FAM135A: variants seen among roughly 807,000 people sequenced by gnomAD.
FAM135A encodes family with sequence similarity 135 member A.
A neutral mutation model predicts 146.8 loss-of-function variants in FAM135A; 79 were observed. The ratio of observed to expected loss-of-function variants is 0.54; its 90% confidence interval spans 0.45 to 0.65. The LOEUF (loss-of-function observed/expected upper bound fraction) is 0.65, where lower values mean the gene tolerates loss of function less well. FAM135A is among the 30% of genes least tolerant of loss of function. The pLI, the probability that FAM135A is intolerant of heterozygous loss-of-function variation, is 0.00. For missense variants in FAM135A, 1,623 were observed against 1,758.2 expected, an observed-to-expected ratio of 0.92 and a Z score of 1.38; for synonymous variants, 562 against 603.6, an observed-to-expected ratio of 0.93 and a Z score of 1.01.
chr6:70,453,963 T>C (rs1338831658), intron 5 of FAM135A, among the ~76,000 whole-genome samples: 1 of 152,190 alleles, frequency 6.6e-6, no homozygotes, highest in African/African-American at 2.4e-5. Context: ...ATATTTCTAG[T>C]TCTAGATCCT....
rs185780340 is a variant in FAM135A at position 70,542,822 on chromosome 6, G to T, written c.4228+4421G>T. Among the ~76,000 whole-genome samples, 12 of 151,764 alleles carry T rather than the reference G, an allele frequency of 7.9e-5. No individual in the cohort carries two copies. In the East Asian group the frequency reaches 2.3e-3, roughly 29 times the overall value. ...CTCTCCTGTTGTCCTTTTTTTAATGGTACTGTTCTCTCAATTACTCCTTTG... is the reference window on the plus strand; with the variant it reads ...CTCTCCTGTTGTCCTTTTTTTAATGTTACTGTTCTCTCAATTACTCCTTTG... On this transcript the variant is annotated intron_variant, in intron 20 of 21. Transcript: ENST00000418814.
intron 12 of FAM135A, chr6:70,503,366 T>A (rs1490417928): frequency 6.6e-6 from 1 of 152,188 alleles, no homozygotes; most frequent in Non-Finnish European, 1.5e-5. Context: ...CCTTATATAC[T>A]CTGCATGCAC....
chr6:70,509,516 A>G (rs960887899), intron 12 of FAM135A, among the ~76,000 whole-genome samples: 10 of 152,140 alleles, frequency 6.6e-5, no homozygotes. Context: ...TGGATAGACT[A>G]TATTGTGCTC....
chr6:70,474,679 G>A (rs1195767293), intron 5 of FAM135A, among the ~76,000 whole-genome samples: 2 of 152,126 alleles, frequency 1.3e-5, no homozygotes, highest in Non-Finnish European at 2.9e-5. Flanking sequence ...AAGTAAGGAC[G>A]CATTAACTTT....
intron 4 of FAM135A, among the ~76,000 whole-genome samples, chr6:70,438,533 A>G (rs1171728901): frequency 6.6e-6 from 1 of 152,180 alleles, no homozygotes; most frequent in African/African-American, 2.4e-5. Flanking sequence ...TTAGTCACTT[A>G]GTAGCTGGTG....
At chr6:70,520,009 T>G (rs1019681300) in intron 12 of FAM135A, among the ~76,000 whole-genome samples, 2 of 152,196 alleles carry the variant, frequency 1.3e-5, no homozygotes, top group Non-Finnish European at 2.9e-5. Context: ...TATTGGAATA[T>G]CCATTAAAAG....
At chr6:70,472,853 T>A (rs926620138) in intron 5 of FAM135A, among the ~76,000 whole-genome samples, 5 of 152,216 alleles carry the variant, frequency 3.3e-5, no homozygotes, top group African/African-American at 1.2e-4. Context: ...ATCTCAGAAG[T>A]GATGCTTGTT....
In FAM135A at chr6:70,560,796, A is replaced by G. The variant is rs1801761361; in HGVS notation, c.*875A>G. 1 of 152,560 alleles carries G rather than the reference A, an allele frequency of 6.6e-6. No individual in the cohort carries two copies. Among genetic ancestry groups the G allele is most frequent in the Admixed American group, 6.6e-5 (1 of 15,264 alleles). The allele number at this position is 152,560 out of a possible 1,614,324, so 9.5% of individuals were successfully genotyped here. On this transcript the variant is annotated 3_prime_UTR_variant, in exon 22 of 22. Transcript: ENST00000418814. ...TGAAATACTTTTATGAATTTAGATAATTTTTAAATATTGTTAAAATTTATT... is the reference window on the plus strand; with the variant it reads ...TGAAATACTTTTATGAATTTAGATAGTTTTTAAATATTGTTAAAATTTATT...
chr6:70,427,085 G>A (rs959670585), intron 3 of FAM135A, among the ~76,000 whole-genome samples: 1 of 152,138 alleles, frequency 6.6e-6, no homozygotes, highest in African/African-American at 2.4e-5. Flanking sequence ...TCTACACTTA[G>A]CTTACTTAAC....
At chr6:70,419,874 C>G (rs112818362) in intron 2 of FAM135A, among the ~76,000 whole-genome samples, 1 of 152,050 alleles carries the variant, frequency 6.6e-6, no homozygotes, top group Admixed American at 6.5e-5. Context: ...GTGAAGAAAT[C>G]GAATTTTTTC....
chr6:70,493,557 A>T (rs1484720127), intron 11 of FAM135A, among the ~76,000 whole-genome samples: 1 of 152,222 alleles, frequency 6.6e-6, no homozygotes, highest in African/African-American at 2.4e-5. Context: ...ACAAATTCTC[A>T]TACCTTGTAT....
chr6:70,516,477 A>G (rs1792237879), intron 12 of FAM135A, among the ~76,000 whole-genome samples: 1 of 150,616 alleles, frequency 6.6e-6, no homozygotes, highest in South Asian at 2.1e-4. Context: ...GTGTCAGTGA[A>G]TTCTTATTAG....
At chr6:70,433,151 T>A (rs1324352638) in intron 4 of FAM135A, among the ~76,000 whole-genome samples, 1 of 151,826 alleles carries the variant, frequency 6.6e-6, no homozygotes, top group Non-Finnish European at 1.5e-5. Flanking sequence ...CTCGGCTCAC[T>A]GCAAGCTCCG....
At chr6:70,517,569 C>T (rs942752782) in intron 12 of FAM135A, among the ~76,000 whole-genome samples, 2 of 151,970 alleles carry the variant, frequency 1.3e-5, no homozygotes, top group African/African-American at 4.8e-5. Context: ...CAGGTGCCTG[C>T]CACCATGTCC....
At chr6:70,421,640 T>C (rs1768881601) in intron 2 of FAM135A, among the ~76,000 whole-genome samples, 1 of 152,162 alleles carries the variant, frequency 6.6e-6, no homozygotes, top group African/African-American at 2.4e-5. Flanking sequence ...CCCCTCTAGC[T>C]TTTTTGGATT....
chr6:70,542,379 C>T (rs192355686), intron 20 of FAM135A, among the ~76,000 whole-genome samples: 222 of 152,114 alleles, frequency 1.5e-3, no homozygotes, highest in African/African-American at 5.0e-3. Flanking sequence ...TTTGTATCAC[C>T]TCATGTGTTT....
At position 70,526,209 on chromosome 6, in the gene FAM135A, A is replaced by G. The variant is rs752900837; in HGVS notation, c.3125A>G (p.Tyr1042Cys). Reference sequence around the variant, plus strand: ...GTAAAGCAAGGGCTTGTGGAAAATTATTTTGGTTCTCAAAGCAGTACGGAT... The same window carrying G: ...GTAAAGCAAGGGCTTGTGGAAAATTGTTTTGGTTCTCAAAGCAGTACGGAT... Reference protein sequence around the residue: ...DIVKQGLVENYFGSQSSTDIS... With the variant: ...DIVKQGLVENCFGSQSSTDIS... Residue 1042 changes from tyrosine to cysteine, a missense_variant, in exon 15 of 22, where the codon TAT becomes TGT. Tyr to Cys is a radical substitution (Grantham distance 194). Around this residue, in one of 7 missense-constraint regions of FAM135A, gnomAD observed 1,061 missense variants for 1,113.8 expected, o/e 0.95. Transcript: ENST00000418814. The G allele has an allele frequency of 2.7e-5, 44 of 1,613,276 alleles. No individual in the cohort carries two copies. Among genetic ancestry groups the G allele is most frequent in the Non-Finnish European group, 3.6e-5 (43 of 1,179,618 alleles).
chr6:70,475,940 AG>A (rs1365351262), intron 7 of FAM135A, among the ~76,000 whole-genome samples: 1 of 152,224 alleles, frequency 6.6e-6, no homozygotes. Flanking sequence ...AAACCAGACA[AG>A]TTAAAGAAAT....
chr6:70,433,403 C>A (rs1477028248), intron 4 of FAM135A, among the ~76,000 whole-genome samples: 2 of 152,040 alleles, frequency 1.3e-5, no homozygotes, highest in East Asian at 3.9e-4. Context: ...TGAAAGGAGG[C>A]ACTGTTAATA....
Sources: allele counts gnomAD v4.1 joint callset (sites outside exome capture counted in the v4.1 genomes callset), GRCh38; gene constraint gnomAD v4.1.1; regional missense constraint gnomAD v4.1.1; transcripts MANE v1.5; gene names NCBI Gene and HGNC (gene_info 2026-07-23, HGNC 2026-07-21).